LMBR1: variants seen among roughly 807,000 people sequenced by gnomAD.
LMBR1 encodes the protein limb development membrane protein 1, also known as limb region 1 protein homolog.
A neutral mutation model predicts 73.9 loss-of-function variants in LMBR1; 52 were observed. The ratio of observed to expected loss-of-function variants is 0.70; its 90% CI spans 0.56 to 0.89. The LOEUF (loss-of-function observed/expected upper bound fraction) is 0.89. LMBR1 is among the 40% of genes least tolerant of loss of function. The pLI, the probability that LMBR1 is intolerant of heterozygous loss-of-function variation, is 0.00. For synonymous variants in LMBR1, 215 were observed against 209.4 expected (o/e 1.03, Z -0.23); for missense variants, 539 against 579.8 (o/e 0.93, Z 0.72).
At chr7:156,760,977 G>A (rs1038292156) in intron 8 of LMBR1, among the ~76,000 whole-genome samples, 5 of 152,198 alleles carry the variant, frequency 3.3e-5, no homozygotes, top group Non-Finnish European at 7.3e-5. Flanking sequence ...GCAAGGCAAC[G>A]TTCAAAGCTA....
In LMBR1 at chr7:156,762,203, A is replaced by G. The variant is rs368435579; in HGVS notation, c.620-5T>C. 6.2e-7 allele frequency: 1 copy of G among 1,603,622 alleles called. No individual in the cohort carries two copies. The highest frequency in any genetic ancestry group is 1.3e-5 in the African/African-American group (1 of 74,840). On this transcript the variant is annotated splice_polypyrimidine_tract_variant and splice_region_variant and intron_variant, in intron 7 of 16. Transcript: ENST00000353442. ...AAAGGCCAACTGGTGTACACACTGC[A>G]GAAATAAGATCACCAAAAGACAGAA...
chr7:156,686,300 A>G (rs991735931), intron 16 of LMBR1, among the ~76,000 whole-genome samples: 15 of 152,122 alleles, frequency 9.9e-5, no homozygotes, highest in African/African-American at 3.4e-4. Flanking sequence ...CTAAATTTCT[A>G]GTGTTTACTA....
chr7:156,831,877 G>A (rs1836759506), intron 3 of LMBR1, among the ~76,000 whole-genome samples: 1 of 152,220 alleles, frequency 6.6e-6, no homozygotes, highest in Admixed American at 6.5e-5. Context: ...GAATGGAGAG[G>A]AGAAAGGTAT....
chr7:156,716,349 G>A (rs942686755), intron 15 of LMBR1, among the ~76,000 whole-genome samples: 1 of 152,204 alleles, frequency 6.6e-6, no homozygotes, highest in East Asian at 1.9e-4. Context: ...TTTTAGTCAT[G>A]AGGATTTACG....
At chr7:156,826,272 G>A (rs531003072) in intron 4 of LMBR1, among the ~76,000 whole-genome samples, 6 of 152,136 alleles carry the variant, frequency 3.9e-5, no homozygotes, top group Non-Finnish European at 5.9e-5. Context: ...GAGCCACCAC[G>A]CCCGGCCAGT....
intron 15 of LMBR1, among the ~76,000 whole-genome samples, chr7:156,713,983 G>A (rs1812653415): frequency 6.6e-6 from 1 of 152,204 alleles, no homozygotes; most frequent in Non-Finnish European, 1.5e-5. Flanking sequence ...TACTACAGAA[G>A]CTACAAAGTA....
intron 5 of LMBR1, among the ~76,000 whole-genome samples, chr7:156,773,365 A>C (rs1157117700): frequency 2.0e-5 from 3 of 152,224 alleles, no homozygotes; most frequent in African/African-American, 7.2e-5. Context: ...ATATGGAACC[A>C]AAAGAGCCCA....
intron 5 of LMBR1, among the ~76,000 whole-genome samples, chr7:156,766,171 G>A (rs904412308): frequency 6.6e-6 from 1 of 152,012 alleles, no homozygotes; most frequent in African/African-American, 2.4e-5. Context: ...GCAGAGGCAG[G>A]GACAGACCTT....
intron 3 of LMBR1, 76 bp from the exon 4 acceptor site, chr7:156,826,820 A>T: frequency 7.4e-7 from 1 of 1,349,808 alleles, no homozygotes; most frequent in Non-Finnish European, 1.0e-6. Context: ...AAGAATGCAA[A>T]CTCTTTAATG....
At chr7:156,832,276 C>T (rs1836825987) in intron 3 of LMBR1, among the ~76,000 whole-genome samples, 1 of 152,132 alleles carries the variant, frequency 6.6e-6, no homozygotes, top group Non-Finnish European at 1.5e-5. Context: ...CAGGCAGAGT[C>T]AAGTCATTTA....
intron 10 of LMBR1, among the ~76,000 whole-genome samples, chr7:156,732,212 A>C (rs780082134): frequency 1.5e-4 from 23 of 152,182 alleles, no homozygotes; most frequent in Non-Finnish European, 2.9e-4. Flanking sequence ...TAATGAAACA[A>C]CAGTTTTCAA....
intron 5 of LMBR1, among the ~76,000 whole-genome samples, chr7:156,776,964 G>A (rs1004000940): frequency 6.9e-6 from 1 of 144,300 alleles, no homozygotes; most frequent in Non-Finnish European, 1.5e-5. Flanking sequence ...ATGGAATCTC[G>A]CCTGTCGCCC....
At chr7:156,743,836 A>G (rs1407676793) in intron 9 of LMBR1, among the ~76,000 whole-genome samples, 1 of 152,168 alleles carries the variant, frequency 6.6e-6, no homozygotes, top group Admixed American at 6.5e-5. Flanking sequence ...ACCCCACACC[A>G]AAGTGAAGCT....
chr7:156,824,116 AC>A (rs1369652665), intron 4 of LMBR1, among the ~76,000 whole-genome samples: 6 of 151,286 alleles, frequency 4.0e-5, no homozygotes, highest in Middle Eastern at 3.4e-3. Flanking sequence ...AACAACAACA[AC>A]AACAACAACA....
rs1306708103 is a variant in LMBR1, at chr7:156,763,720, C to A, written c.499G>T (p.Val167Leu). 2 of 1,605,656 alleles carry A rather than the reference C, an allele frequency of 1.2e-6. No individual in the cohort carries two copies. The highest frequency in any genetic ancestry group is 1.7e-6 in the Non-Finnish European group (2 of 1,178,052). The stretch of plus-strand genomic sequence containing the variant: ...TCGTTGTCAATGAGTGCTGAAGCTA[C>A]CCACACTATCCCAAGAATGAGTAAC... ...LALLILGIVWVASALIDNDAA... is the reference protein window; with the variant it reads ...LALLILGIVWLASALIDNDAA... The change falls in exon 6 of 17, where the codon GTA becomes TTA. Residue 167 changes from valine to leucine, a missense_variant. Coordinates refer to ENST00000353442, the MANE Select transcript of LMBR1 (RefSeq NM_022458.4).
chr7:156,669,864 G>C lies in LMBR1; in HGVS notation n.867-577C>G, dbSNP rs1479836601. On this transcript the variant is annotated intron_variant and non_coding_transcript_variant, in intron 4 of 4. Coordinates refer to the LMBR1 transcript ENST00000430825. This position sits in a 1 kb window ranked among gnomAD's most constrained non-coding sequence, Gnocchi z 4.2. ...GTTGGGCCTGCAGCACGCAGGGCTT[G>C]GGGACTCTGTTCCAGGTGACAGGAG... 6.6e-6 allele frequency among the ~76,000 whole-genome samples: 1 copy of C among 152,180 alleles called. No homozygotes were observed. The highest frequency in any genetic ancestry group is 2.4e-5 in the African/African-American group (1 of 41,456).
At chr7:156,772,772 C>T (rs559550318) in intron 5 of LMBR1, among the ~76,000 whole-genome samples, 5 of 149,136 alleles carry the variant, frequency 3.4e-5, no homozygotes, top group Non-Finnish European at 5.9e-5. Context: ...AGCTTGAACC[C>T]GGGAGGCAGA....
chr7:156,764,840 G>C (rs1415660821), intron 5 of LMBR1, among the ~76,000 whole-genome samples: 1 of 152,170 alleles, frequency 6.6e-6, no homozygotes, highest in Non-Finnish European at 1.5e-5. Flanking sequence ...CGTCCTAAAA[G>C]CATGGAGAGG....
At chr7:156,879,893 C>T (rs990902167) in intron 1 of LMBR1, among the ~76,000 whole-genome samples, 4 of 152,190 alleles carry the variant, frequency 2.6e-5, no homozygotes, top group Non-Finnish European at 4.4e-5. Context: ...CACTTCTACA[C>T]TGCTGGTGGG....
Sources: allele counts gnomAD v4.1 joint callset (sites outside exome capture counted in the v4.1 genomes callset), GRCh38; gene constraint gnomAD v4.1.1; non-coding constraint Gnocchi (gnomAD v3.1); transcripts MANE v1.5; gene names NCBI Gene and HGNC (gene_info 2026-07-23, HGNC 2026-07-21).